MTG2: variants seen among roughly 807,000 people sequenced by gnomAD.
MTG2 encodes the protein mitochondrial ribosome-associated GTPase 2.
A neutral mutation model predicts 28.6 loss-of-function variants in MTG2; 23 were observed. The ratio of observed to expected loss-of-function variants is 0.80; its 90% confidence interval spans 0.58 to 1.14. The LOEUF (loss-of-function observed/expected upper bound fraction) is 1.14, where lower values mean the gene tolerates loss of function less well. Ranked by LOEUF, MTG2 falls within the 50% of genes most tolerant of loss-of-function variation. MTG2 has a pLI of 0.00. For missense variants in MTG2, 539 were observed against 552.0 expected (o/e 0.98, Z 0.24); for synonymous variants, 260 against 251.8 (o/e 1.03, Z -0.31).
rs975731568 is a variant in MTG2, at chr20:62,201,275, T to C, written c.*198T>C. 1 of 645,972 alleles carries C rather than the reference T, an allele frequency of 1.5e-6. No homozygotes were observed. Among genetic ancestry groups the C allele is most frequent in the Non-Finnish European group, 2.6e-6 (1 of 384,606 alleles). The allele number at this position is 645,972 out of a possible 1,614,324, so 40.0% of individuals were successfully genotyped here. A position where few individuals can be genotyped will look rare whatever the true frequency, so the allele number is the denominator to read the frequency against. On this transcript the variant is annotated 3_prime_UTR_variant, in exon 7 of 7. Coordinates refer to ENST00000370823, the MANE Select transcript of MTG2 (RefSeq NM_015666.4). ...CCCCTACCCCGCCTGCCCTCCGTAT[T>C]TCCTGCACCTGTCAGCCTGCACCGA...
intron 2 of MTG2, 133 bp from the exon 3 acceptor site, chr20:62,195,669 C>T (rs1412404937): frequency 9.5e-7 from 1 of 1,050,104 alleles, no homozygotes; most frequent in South Asian, 1.6e-5. Flanking sequence ...AAGTGATTAG[C>T]AATATTAGTG....
At chr20:62,185,390 C>T (rs1247494684) in intron 1 of MTG2, among the ~76,000 whole-genome samples, 2 of 150,238 alleles carry the variant, frequency 1.3e-5, no homozygotes, top group South Asian at 4.2e-4. Context: ...CCAGCCTGGG[C>T]GACAGAGCGA....
rs201469338 is a variant in MTG2 at position 62,197,975 on chromosome 20, G to A, written c.468+8G>A. On this transcript the variant is annotated splice_region_variant and intron_variant, in intron 4 of 6. Coordinates refer to ENST00000370823, the MANE Select transcript of MTG2 (RefSeq NM_015666.4). ...GCCGTCCTCTACATCCGGGTGAGCC[G>A]AGACTGCCGGACCTGGCCCTGTCCC... 1.8e-4 allele frequency: 295 copies of A among 1,610,226 alleles called. 1 individual carries two copies. Among genetic ancestry groups the A allele is most frequent in the Non-Finnish European group, 2.3e-4 (270 of 1,176,746 alleles).
chr20:62,187,740 T>G (rs1299393054), intron 1 of MTG2, among the ~76,000 whole-genome samples: 1 of 152,222 alleles, frequency 6.6e-6, no homozygotes, highest in Admixed American at 6.5e-5. Context: ...CTGATCAGGC[T>G]AGAAGTGTGT....
At chr20:62,184,560 A>G (rs2057801656) in intron 1 of MTG2, among the ~76,000 whole-genome samples, 1 of 152,180 alleles carries the variant, frequency 6.6e-6, no homozygotes, top group Non-Finnish European at 1.5e-5. Flanking sequence ...GAGAAGAGTC[A>G]CTGGGGAGGG....
chr20:62,183,488 A>G (rs1278099654), intron 1 of MTG2, among the ~76,000 whole-genome samples: 4 of 152,266 alleles, frequency 2.6e-5, no homozygotes, highest in Non-Finnish European at 4.4e-5. Context: ...ACAAAACAAC[A>G]TAAATATATA....
chr20:62,193,326 A>C, intron 1 of MTG2, 90 bp from the exon 2 acceptor site: 1 of 1,264,218 alleles, frequency 7.9e-7, no homozygotes, highest in Non-Finnish European at 1.1e-6. Context: ...ACGTGCACAA[A>C]GACCTGCTGC....
In MTG2 at chr20:62,193,485, C is replaced by G. The variant is rs751265967; in HGVS notation, c.65C>G (p.Ala22Gly). The stretch of plus-strand genomic sequence containing the variant: ...GTGTTTCAGGGCGTGGGGCATTGGG[C>G]TTTGTCCACATGGGCTGGCCTGAAG... ...RTVFQGVGHWALSTWAGLKPS... is the reference protein window; with the variant it reads ...RTVFQGVGHWGLSTWAGLKPS... The change falls in exon 2 of 7, where the codon GCT becomes GGT. Residue 22 changes from alanine to glycine, a missense_variant. Physicochemically the swap from Ala to Gly is moderately conservative, Grantham distance 60. Coordinates refer to ENST00000370823, the MANE Select transcript of MTG2 (RefSeq NM_015666.4). 32 of 1,614,148 alleles carry G rather than the reference C, an allele frequency of 2.0e-5. No individual in the cohort carries two copies. In the Admixed American group the frequency reaches 4.7e-4, roughly 24 times the overall value.
intron 1 of MTG2, among the ~76,000 whole-genome samples, chr20:62,189,450 T>TA (rs1361654711): frequency 6.6e-6 from 1 of 151,892 alleles, no homozygotes; most frequent in Non-Finnish European, 1.5e-5. Context: ...GCTGGGACTA[T>TA]AGGGGTGCGC....
intron 1 of MTG2, among the ~76,000 whole-genome samples, 197 bp from the exon 2 acceptor site, chr20:62,193,219 G>C (rs549553796): frequency 2.0e-4 from 30 of 151,794 alleles, no homozygotes; most frequent in Non-Finnish European, 2.8e-4. Flanking sequence ...CCAAGTCACA[G>C]ATAGGCTGAC....
intron 3 of MTG2, among the ~76,000 whole-genome samples, 184 bp downstream of exon 3, chr20:62,196,133 C>G (rs565230887): frequency 2.7e-4 from 41 of 151,672 alleles, no homozygotes; most frequent in Non-Finnish European, 5.6e-4. Flanking sequence ...GACAATATAG[C>G]AAGACCATGT....
intron 1 of MTG2, among the ~76,000 whole-genome samples, chr20:62,189,525 G>A (rs550900321): frequency 5.6e-4 from 85 of 151,808 alleles, no homozygotes; most frequent in Admixed American, 1.6e-3. Context: ...GGCTGGTCTC[G>A]AACTCATGGC....
At chr20:62,194,602 A>G (rs2058026004) in intron 2 of MTG2, among the ~76,000 whole-genome samples, 6 of 152,124 alleles carry the variant, frequency 3.9e-5, no homozygotes, top group Admixed American at 3.9e-4. Flanking sequence ...TTTTGTGTTT[A>G]AATTTTTGTG....
chr20:62,199,154 C>G lies in MTG2; in HGVS notation c.723C>G (p.Leu241=). The change falls in exon 6 of 7, where the codon CTC becomes CTG. Residue 241 remains leucine (L), a synonymous_variant. Coordinates refer to ENST00000370823, the MANE Select transcript of MTG2 (RefSeq NM_015666.4). The part of the protein sequence containing the change: ...GFPNAGKSSL[L]RAISNARPAV... ...CCAACGCCGGGAAGTCCTCACTGCT[C>G]CGGGCCATTTCAAACGCCAGACCCG... is the stretch of plus-strand genomic sequence containing the variant. The G allele has an allele frequency of 6.2e-7, 1 of 1,614,170 alleles. No homozygotes were observed. Among genetic ancestry groups the G allele is most frequent in the Non-Finnish European group, 8.5e-7 (1 of 1,180,030 alleles).
At position 62,188,110 on chromosome 20, in the gene MTG2, G is replaced by A. The variant is rs1453324577; in HGVS notation, c.-6+5053G>A. Among the ~76,000 whole-genome samples, 11 of 143,538 alleles carry A rather than the reference G, an allele frequency of 7.7e-5. No homozygotes were observed. In the South Asian group the frequency reaches 9.2e-4, roughly 12 times the overall value. The allele number at this position is 143,538 out of a possible 152,430, so 94.2% of individuals were successfully genotyped here. The stretch of plus-strand genomic sequence containing the variant: ...CACACCACTGCACTCCAGCCTGGGC[G>A]ACAGTGCGAGACTGTCTCAAAAAAA... On this transcript the variant is annotated intron_variant, in intron 1 of 6. Transcript: ENST00000370823.
At chr20:62,198,045 A>G (rs1316681921) in intron 4 of MTG2, 78 bp downstream of exon 4, 1 of 1,284,536 alleles carries the variant, frequency 7.8e-7, no homozygotes, top group African/African-American at 1.5e-5. Flanking sequence ...CGTGTGACCC[A>G]CGGGGCCCCT....
chr20:62,200,969 G>T lies in MTG2; in HGVS notation c.1113G>T (p.Ser371=). The change falls in exon 7 of 7, where the codon TCG becomes TCT. Residue 371 remains serine, a synonymous_variant. Transcript: ENST00000370823. ...TGGGACAGGAGGTCATCGTGCTGTC[G>T]GCGTTGACCGGCGAGAACCTGGAGC... ...DHLGQEVIVL[S]ALTGENLEQL... is the part of the protein sequence containing the mutation. 1 of 1,613,938 alleles carries T rather than the reference G, an allele frequency of 6.2e-7. No individual in the cohort carries two copies. Among genetic ancestry groups the T allele is most frequent in the East Asian group, 2.2e-5 (1 of 44,884 alleles).
At chr20:62,190,751 C>T (rs545694349) in intron 1 of MTG2, among the ~76,000 whole-genome samples, 1 of 152,246 alleles carries the variant, frequency 6.6e-6, no homozygotes, top group Non-Finnish European at 1.5e-5. Flanking sequence ...GGTGCAGCGG[C>T]GGCGGCCGCA....
chr20:62,197,865 C>T lies in MTG2; in HGVS notation c.366C>T (p.Val122=), dbSNP rs780823733. ...TTCTTGCTTTAGTTGACCAGCAAGT[C>T]AAGTCCCTGTCGTCGGTCCTGTCGC... is the stretch of plus-strand genomic sequence containing the variant. ...GHVILRVDQQ[V]KSLSSVLSRY... Residue 122 remains valine, a synonymous_variant, in exon 4 of 7, where the codon GTC becomes GTT. Coordinates refer to ENST00000370823, the MANE Select transcript of MTG2 (RefSeq NM_015666.4). The T allele has an allele frequency of 6.2e-7, 1 of 1,614,172 alleles. No individual in the cohort carries two copies.
Sources: gnomAD v4.1 joint callset for allele counts (sites outside exome capture counted in the v4.1 genomes callset) on GRCh38, gnomAD v4.1.1 for gene constraint, MANE v1.5 for transcripts, NCBI Gene and HGNC (gene_info 2026-07-23, HGNC 2026-07-21) for gene names.